The following USF2 variants were observed in gnomAD, a reference collection of about 807,000 sequenced individuals.
USF2 encodes upstream transcription factor 2, c-fos interacting.
A neutral mutation model predicts 46.9 loss-of-function variants in USF2; 16 were observed. The observed-to-expected ratio is 0.34, with a 90% CI of 0.23 to 0.52. The LOEUF (loss-of-function observed/expected upper bound fraction) is 0.52. Ranked by LOEUF, USF2 falls within the 20% of genes least tolerant of loss-of-function variation. The pLI is 0.96. For synonymous variants in USF2, 239 were observed against 194.1 expected, an observed-to-expected ratio of 1.23 and a Z score of -1.92; for missense variants, 411 against 474.0, an observed-to-expected ratio of 0.87 and a Z score of 1.23.
intron 7 of USF2, 110 bp downstream of exon 7, chr19:35,271,251 G>T: frequency 7.7e-7 from 1 of 1,306,780 alleles, no homozygotes; most frequent in Non-Finnish European, 1.1e-6. Flanking sequence ...CAGGCCACAA[G>T]TGCTCCAGAG....
In USF2 at chr19:35,271,480, C is replaced by T. The variant is rs573753374; in HGVS notation, c.727+339C>T. On this transcript the variant is annotated intron_variant, in intron 7 of 9. Coordinates refer to ENST00000222305, the MANE Select transcript of USF2 (RefSeq NM_003367.4). ...GGCTGACCGGGCTCACGTGGGCTGA[C>T]CTTTCCACGTGGCAGCTGTCATGCT... Among the ~76,000 whole-genome samples, 207 of 152,314 alleles carry T rather than the reference C, an allele frequency of 1.4e-3. 1 individual carries two copies. The highest frequency in any genetic ancestry group is 4.7e-3 in the African/African-American group (197 of 41,558).
At chr19:35,271,056 C>G in intron 6 of USF2, 27 bp from the exon 7 acceptor site, 5 of 1,613,420 alleles carry the variant, frequency 3.1e-6, no homozygotes, top group Non-Finnish European at 4.2e-6. Flanking sequence ...ATAATACATG[C>G]CCCCTTTTTT....
At chr19:35,278,915 C>T (rs746057697) in intron 8 of USF2, 31 bp from the exon 9 acceptor site, 15 of 1,568,168 alleles carry the variant, frequency 9.6e-6, no homozygotes, top group African/African-American at 2.7e-5. Context: ...GCGGTGCCTG[C>T]CCTAAGGCTC....
At chr19:35,270,119 G>C (rs2066128138) in intron 4 of USF2, 116 bp downstream of exon 4, 5 of 1,198,734 alleles carry the variant, frequency 4.2e-6, no homozygotes, top group Non-Finnish European at 4.4e-6. Context: ...GCTGCCTTCA[G>C]GCCTCAGGCT....
intron 6 of USF2, 130 bp from the exon 7 acceptor site, chr19:35,270,953 G>A (rs758046503): frequency 1.4e-5 from 20 of 1,427,304 alleles, no homozygotes; most frequent in Non-Finnish European, 1.7e-5. Flanking sequence ...TGCACATAAA[G>A]TATCATGTCT....
At position 35,273,592 on chromosome 19, in the gene USF2, C is replaced by CT. The variant is rs371174953; in HGVS notation, c.727+2452dup. Reference sequence around the variant, plus strand: ...TTTTTTTTGAGAAGGGGGTCTCACTCTGTCACCCAGGCTGGAGTACAGTGG... The same window carrying CT: ...TTTTTTTTGAGAAGGGGGTCTCACTCTTGTCACCCAGGCTGGAGTACAGTGG... On this transcript the variant is annotated intron_variant, in intron 7 of 9. Transcript: ENST00000222305. Among the ~76,000 whole-genome samples, 203 of 152,298 alleles carry CT rather than the reference C, an allele frequency of 1.3e-3. 4 individuals are homozygous for CT. In the East Asian group the frequency reaches 0.03, roughly 22 times the overall value.
At position 35,276,069 on chromosome 19, in the gene USF2, C is replaced by CTTTTTTTTTTTTTTTTT. The variant is rs752967792; in HGVS notation, c.728-2625_728-2609dup. ...GGCAGGTTTCGCTTCTGAATTTTCT[C>CTTTTTTTTTTTTTTTTT]TTTTTTTTTTTTTTTTTTTTGAGAC... On this transcript the variant is annotated intron_variant, in intron 7 of 9. Transcript: ENST00000222305. Among the ~76,000 whole-genome samples, 2 of 112,042 alleles carry CTTTTTTTTTTTTTTTTT rather than the reference C, an allele frequency of 1.8e-5. 1 individual carries two copies. 73.5% of individuals were successfully genotyped at this position (112,042 alleles called of 152,430 possible).
At chr19:35,269,188 C>CCCCGCG (rs2066100238) in intron 1 of USF2, 25 bp downstream of exon 1, 1 of 994,398 alleles carries the variant, frequency 1.0e-6, no homozygotes, top group Non-Finnish European at 1.2e-6. Flanking sequence ...CCGGCCGTGC[C>CCCCGCG]CCCGCGCCCC....
chr19:35,279,291 G>T lies in USF2; in HGVS notation c.*35G>T, dbSNP rs757736805. On this transcript the variant is annotated 3_prime_UTR_variant, in exon 10 of 10. Transcript: ENST00000222305. ...CCACCACGCAGCCGCCGCCGCCCAC[G>T]CCGGCCTCTGCTGCCCCCTTCCCCA... The T allele has an allele frequency of 6.8e-7, 1 of 1,469,430 alleles. No homozygotes were observed. 91.0% of individuals were successfully genotyped at this position (1,469,430 alleles called of 1,614,324 possible).
intron 7 of USF2, chr19:35,274,978 C>A (rs1223718424): frequency 6.6e-6 from 1 of 152,160 alleles, no homozygotes; most frequent in African/African-American, 2.4e-5. Flanking sequence ...TTTTTAGGTG[C>A]CAGATTAGAT....
chr19:35,278,854 A>G, intron 8 of USF2, 62 bp downstream of exon 8: 1 of 1,610,458 alleles, frequency 6.2e-7, no homozygotes, highest in Non-Finnish European at 8.5e-7. Context: ...GCATGCAGAA[A>G]GTCCAACAGC....
chr19:35,270,148 G>GT (rs1411630970), intron 4 of USF2, 145 bp downstream of exon 4: 1 of 1,054,080 alleles, frequency 9.5e-7, no homozygotes, highest in African/African-American at 1.6e-5. Context: ...CCAGATCCCT[G>GT]TTGTGCACCG....
intron 7 of USF2, among the ~76,000 whole-genome samples, chr19:35,271,660 C>T (rs553641168): frequency 1.4e-4 from 22 of 152,252 alleles, no homozygotes; most frequent in Non-Finnish European, 2.9e-4. Flanking sequence ...CACCTCAGGT[C>T]ATTTGGCCTT....
rs2066118958 is a variant in USF2 at position 35,269,748 on chromosome 19, G to C, written c.228+49G>C. The C allele has an allele frequency of 2.0e-6, 3 of 1,472,366 alleles. No homozygotes were observed. In the East Asian group the frequency reaches 8.8e-5, roughly 43 times the overall value. The allele number at this position is 1,472,366 out of a possible 1,614,324, so 91.2% of individuals were successfully genotyped here. ...AACGGGCGGGCGGGCGGGCGCGCCG[G>C]GAAGGCTCGGACCTGGCCCCAGCGC... On this transcript the variant is annotated intron_variant, in intron 3 of 9. Coordinates refer to ENST00000222305, the MANE Select transcript of USF2 (RefSeq NM_003367.4).
chr19:35,279,799 C>G lies in USF2; in HGVS notation c.*543C>G, dbSNP rs2066286186. ...GAGGTATTTAACTGCAATAAACTGG[C>G]CCCATGTGGCCCCCGCCTTGTCTGC... On this transcript the variant is annotated 3_prime_UTR_variant, in exon 10 of 10. Coordinates refer to ENST00000222305, the MANE Select transcript of USF2 (RefSeq NM_003367.4). 1 of 152,874 alleles carries G rather than the reference C, an allele frequency of 6.5e-6. No individual in the cohort carries two copies. The highest frequency in any genetic ancestry group is 2.4e-5 in the African/African-American group (1 of 41,418). The allele number at this position is 152,874 out of a possible 1,614,324, so 9.5% of individuals were successfully genotyped here. A position where few individuals can be genotyped will look rare whatever the true frequency, so the allele number is the denominator to read the frequency against.
chr19:35,273,398 C>T (rs2066185759), intron 7 of USF2, among the ~76,000 whole-genome samples: 1 of 152,160 alleles, frequency 6.6e-6, no homozygotes, highest in African/African-American at 2.4e-5. Flanking sequence ...TCTGATTCTC[C>T]TGTGATCTTT....
At chr19:35,276,471 G>A (rs955011753) in intron 7 of USF2, among the ~76,000 whole-genome samples, 19 of 152,170 alleles carry the variant, frequency 1.2e-4, no homozygotes, top group Non-Finnish European at 2.2e-4. Context: ...ATGGTCTTCC[G>A]AAGCCACAGG....
rs1469109880 is a variant in USF2 at position 35,279,428 on chromosome 19, C to T, written c.*172C>T. The T allele has an allele frequency of 5.8e-6, 4 of 685,080 alleles. No individual in the cohort carries two copies. Among genetic ancestry groups the T allele is most frequent in the African/African-American group, 3.8e-5 (2 of 52,906 alleles). The allele number at this position is 685,080 out of a possible 1,614,324, so 42.4% of individuals were successfully genotyped here. ...GCATTTCTGTGGATACAGTGCCCAC[C>T]GCCCTCCTCCACTTGGAAACGGTAT... On this transcript the variant is annotated 3_prime_UTR_variant, in exon 10 of 10. Transcript: ENST00000222305.
Position 35,279,273 on chromosome 19 carries a change from G to A in USF2, c.*17G>A, listed in dbSNP as rs1205035278. The stretch of plus-strand genomic sequence containing the variant: ...CGGCAGTGACGCCCGCCACCACCAC[G>A]CAGCCGCCGCCGCCCACGCCGGCCT... On this transcript the variant is annotated 3_prime_UTR_variant, in exon 10 of 10. Transcript: ENST00000222305. 6 of 1,490,640 alleles carry A rather than the reference G, an allele frequency of 4.0e-6. No individual in the cohort carries two copies. The highest frequency in any genetic ancestry group is 2.8e-5 in the African/African-American group (2 of 71,334). 92.3% of individuals were successfully genotyped at this position (1,490,640 alleles called of 1,614,324 possible).
Sources: allele counts gnomAD v4.1 joint callset (sites outside exome capture counted in the v4.1 genomes callset), GRCh38; gene constraint gnomAD v4.1.1; transcripts MANE v1.5; gene names NCBI Gene and HGNC (gene_info 2026-07-23, HGNC 2026-07-21).